RAB5A: variants seen among roughly 807,000 people sequenced by gnomAD.
The protein encoded by RAB5A is RAB5A, member RAS oncogene family.
RAB5A carries 8 observed loss-of-function variants against 25.7 expected under a neutral mutation model. The observed-to-expected ratio is 0.31, with a 90% CI of 0.18 to 0.56. RAB5A has a LOEUF of 0.56. Among genes scored for constraint, RAB5A ranks in the 20% least tolerant of loss-of-function variants. The pLI is 0.91. For synonymous variants in RAB5A, 98 were observed against 89.8 expected (o/e 1.09, Z -0.52); for missense variants, 192 against 259.7 (o/e 0.74, Z 1.79).
intron 2 of RAB5A, among the ~76,000 whole-genome samples, chr3:19,951,794 C>CCCAGGTAGCTG (rs1696428856): frequency 6.6e-6 from 1 of 150,772 alleles, no homozygotes. Context: ...GCCTCAACCT[C>CCCAGGTAGCTG]CCAGGTAGCT....
intron 2 of RAB5A, among the ~76,000 whole-genome samples, chr3:19,967,739 C>T (rs7634934): frequency 0.17 from 25,832 of 151,652 alleles, 2,127 homozygotes; most frequent in South Asian, 0.21. Context: ...TCTTTTTTCC[C>T]TCCTGGGTGC....
At position 19,947,361 on chromosome 3, in the gene RAB5A, A is replaced by T. The variant is rs1696323741; in HGVS notation, c.-254A>T. 5.5e-6 allele frequency: 1 copy of T among 181,574 alleles called. No homozygotes were observed. The highest frequency in any genetic ancestry group is 1.1e-5 in the Non-Finnish European group (1 of 89,622). 11.2% of individuals were successfully genotyped at this position (181,574 alleles called of 1,614,324 possible). On this transcript the variant is annotated 5_prime_UTR_variant, in exon 1 of 6. Transcript: ENST00000273047. ...AGCCCGACAGGGGCGGCACCACGGC[A>T]CGAGCCCCGCACAGTCCAGTGTGAG...
intron 2 of RAB5A, among the ~76,000 whole-genome samples, chr3:19,974,904 G>A (rs554723889): frequency 1.5e-4 from 23 of 152,216 alleles, no homozygotes; most frequent in Non-Finnish European, 2.9e-5. Flanking sequence ...GACTATCAGT[G>A]CATTTCTTTA....
chr3:19,948,717 GT>G (rs1696373755), intron 1 of RAB5A, among the ~76,000 whole-genome samples: 1 of 151,606 alleles, frequency 6.6e-6, no homozygotes, highest in South Asian at 2.1e-4. Flanking sequence ...AACCTTAAAA[GT>G]CAAAGTGAAA....
chr3:19,978,197 G>A, intron 4 of RAB5A, 113 bp from the exon 5 acceptor site: 2 of 743,664 alleles, frequency 2.7e-6, no homozygotes, highest in East Asian at 2.5e-5. Flanking sequence ...GATGATTATA[G>A]GAATCAGGTT....
In RAB5A at chr3:19,984,744, C is replaced by T. The variant is rs1414232429; in HGVS notation, c.*921C>T. On this transcript the variant is annotated 3_prime_UTR_variant, in exon 6 of 6. Transcript: ENST00000273047. ...GGGTACTGCATTGTAGTCTCCATAT[C>T]TGTATTACTTTTCTGTAATATTTAA... 6.5e-6 allele frequency: 1 copy of T among 153,004 alleles called. No individual in the cohort carries two copies. Among genetic ancestry groups the T allele is most frequent in the Non-Finnish European group, 1.5e-5 (1 of 68,404 alleles). The allele number at this position is 153,004 out of a possible 1,614,324, so 9.5% of individuals were successfully genotyped here.
intron 2 of RAB5A, among the ~76,000 whole-genome samples, chr3:19,954,538 C>G (rs368748734): frequency 3.3e-5 from 5 of 152,264 alleles, no homozygotes; most frequent in African/African-American, 1.2e-4. Flanking sequence ...TCCTGTTGCG[C>G]TGTGTGCGGT....
chr3:19,965,840 T>G (rs1696653821), intron 2 of RAB5A, among the ~76,000 whole-genome samples: 1 of 151,942 alleles, frequency 6.6e-6, no homozygotes, highest in African/African-American at 2.4e-5. Context: ...CACAAACCTC[T>G]CCCACCAACC....
chr3:19,966,162 T>C (rs1202377908), intron 2 of RAB5A, among the ~76,000 whole-genome samples: 1 of 152,220 alleles, frequency 6.6e-6, no homozygotes. Flanking sequence ...TTATCTTCCC[T>C]AGCTGAAACT....
intron 2 of RAB5A, among the ~76,000 whole-genome samples, chr3:19,967,837 C>T (rs1379086491): frequency 6.6e-6 from 1 of 152,186 alleles, no homozygotes; most frequent in Admixed American, 6.5e-5. Context: ...ACACTCACGA[C>T]TGTCGCTTCT....
chr3:19,967,612 ATTGCTGTCTTTCTG>A (rs1163715761), intron 2 of RAB5A, among the ~76,000 whole-genome samples: 4 of 152,222 alleles, frequency 2.6e-5, no homozygotes, highest in Non-Finnish European at 5.9e-5. Flanking sequence ...TTTGGGGAAG[ATTGCTGTCTTTCTG>A]TATGCTATCT....
At chr3:19,955,891 C>T (rs1021152758) in intron 2 of RAB5A, among the ~76,000 whole-genome samples, 19 of 151,406 alleles carry the variant, frequency 1.3e-4, no homozygotes, top group African/African-American at 3.4e-4. Flanking sequence ...AGCGAGACTC[C>T]GTCTTAAAAA....
chr3:19,960,395 G>A (rs1192588087), intron 2 of RAB5A, among the ~76,000 whole-genome samples: 1 of 152,118 alleles, frequency 6.6e-6, no homozygotes, highest in African/African-American at 2.4e-5. Context: ...CAACTTCTGG[G>A]CTCCAGCCAT....
chr3:19,956,415 T>C (rs551165774), intron 2 of RAB5A, among the ~76,000 whole-genome samples: 1 of 152,098 alleles, frequency 6.6e-6, no homozygotes, highest in African/African-American at 2.4e-5. Context: ...GATCGCGCCA[T>C]TGCACTCCAG....
In RAB5A at chr3:19,985,018, G is replaced by T; in HGVS notation, c.*1195G>T. On this transcript the variant is annotated 3_prime_UTR_variant, in exon 6 of 6. Transcript: ENST00000273047. The stretch of plus-strand genomic sequence containing the variant: ...ATTATTTTAGGTATTTTCATTATAT[G>T]AAAGCTACCATGTGTCAGAGATGAT... 1 of 195,362 alleles carries T rather than the reference G, an allele frequency of 5.1e-6. No individual in the cohort carries two copies. The highest frequency in any genetic ancestry group is 1.0e-5 in the Non-Finnish European group (1 of 96,254). 12.1% of individuals were successfully genotyped at this position (195,362 alleles called of 1,614,324 possible).
At chr3:19,949,357 C>G (rs1383880270) in intron 1 of RAB5A, among the ~76,000 whole-genome samples, 1 of 152,068 alleles carries the variant, frequency 6.6e-6, no homozygotes, top group Non-Finnish European at 1.5e-5. Context: ...GTATTATAAG[C>G]TCATTTTATG....
chr3:19,971,154 G>A (rs1306178593), intron 2 of RAB5A, among the ~76,000 whole-genome samples: 2 of 135,108 alleles, frequency 1.5e-5, no homozygotes, highest in Non-Finnish European at 3.0e-5. Context: ...CCGAGATCGC[G>A]CCATTGCACT....
chr3:19,959,544 A>G (rs1333839044), intron 2 of RAB5A, among the ~76,000 whole-genome samples: 2 of 151,908 alleles, frequency 1.3e-5, no homozygotes, highest in East Asian at 1.9e-4. Context: ...GTAAATTTGC[A>G]TAACCTTTAG....
chr3:19,956,508 C>T lies in RAB5A; in HGVS notation c.163+5447C>T, dbSNP rs984828538. On this transcript the variant is annotated intron_variant, in intron 2 of 5. Coordinates refer to ENST00000273047, the MANE Select transcript of RAB5A (RefSeq NM_004162.5). ...ACTCTTAAGTGAAGTGCTGTTTCTA[C>T]TTACATATTTAACATCCATCTAAAT... Among the ~76,000 whole-genome samples the T allele has an allele frequency of 6.6e-5, 10 of 152,314 alleles. No homozygotes were observed. In the East Asian group the frequency reaches 1.7e-3, roughly 26 times the overall value.
Sources: allele counts gnomAD v4.1 joint callset (sites outside exome capture counted in the v4.1 genomes callset), GRCh38; gene constraint gnomAD v4.1.1; transcripts MANE v1.5; gene names NCBI Gene and HGNC (gene_info 2026-07-23, HGNC 2026-07-21).